Variants in TXNDC8 observed in about 807,000 individuals in gnomAD.
TXNDC8 encodes the protein thioredoxin domain-containing protein 8.
A neutral mutation model predicts 12.9 loss-of-function variants in TXNDC8; 15 were observed. The ratio of observed to expected loss-of-function variants is 1.16; its 90% CI spans 0.78 to 1.79. The LOEUF is 1.79. Among genes scored for constraint, TXNDC8 ranks in the 40% most tolerant of loss-of-function variants. The pLI, the probability that TXNDC8 is intolerant of heterozygous loss-of-function variation, is 0.00. For synonymous variants in TXNDC8, 40 were observed against 35.4 expected (o/e 1.13, Z -0.46); for missense variants, 128 against 113.2 (o/e 1.13, Z -0.59).
intron 3 of TXNDC8, among the ~76,000 whole-genome samples, chr9:110,310,799 C>T (rs114775438): frequency 0.025 from 3,854 of 152,252 alleles, 149 homozygotes; most frequent in African/African-American, 0.087. Flanking sequence ...TCATACTTAT[C>T]CCTGCTAAAC....
chr9:110,327,928 G>GC (rs1564106099), intron 2 of TXNDC8, among the ~76,000 whole-genome samples: 1 of 152,158 alleles, frequency 6.6e-6, no homozygotes, highest in Non-Finnish European at 1.5e-5. Context: ...AGTCATACTA[G>GC]CTGTGTATTC....
intron 3 of TXNDC8, among the ~76,000 whole-genome samples, chr9:110,305,473 G>A (rs12341362): frequency 0.21 from 32,308 of 152,024 alleles, 4,406 homozygotes; most frequent in East Asian, 0.44. Context: ...TGTATAGCTA[G>A]AAGTGGGATT....
chr9:110,304,467 C>A lies in TXNDC8; in HGVS notation c.261G>T (p.Leu87=). The A allele has an allele frequency of 6.2e-7, 1 of 1,608,648 alleles. No individual in the cohort carries two copies. The highest frequency in any genetic ancestry group is 8.5e-7 in the Non-Finnish European group (1 of 1,176,582). ...TCTAACTTGATCCCATTTCACTTAC[C>A]AGGTTGCTCATGAATCCACTTCTAT... Residue 87 remains leucine (L), a splice_region_variant and synonymous_variant, in exon 4 of 5, where the codon CTG becomes CTT. Coordinates refer to ENST00000423740, the MANE Select transcript of TXNDC8 (RefSeq NM_001286946.2).
downstream of TXNDC8, among the ~76,000 whole-genome samples, chr9:110,303,139 C>T (rs1838305289): frequency 6.6e-6 from 1 of 151,992 alleles, no homozygotes; most frequent in African/African-American, 2.4e-5. Context: ...TTCATATGTT[C>T]AAAGTGCACG....
intron 3 of TXNDC8, among the ~76,000 whole-genome samples, chr9:110,305,598 CTTTCTTTCTTTCTT>C (rs1321917194): frequency 8.1e-6 from 1 of 123,806 alleles, no homozygotes; most frequent in Non-Finnish European, 1.6e-5. Flanking sequence ...TTCTTTCTTT[CTTTCTTTCTTTCTT>C]TTTCTTCCTT....
intron 3 of TXNDC8, among the ~76,000 whole-genome samples, chr9:110,317,742 T>A (rs1037125892): frequency 6.6e-6 from 1 of 152,216 alleles, no homozygotes; most frequent in East Asian, 1.9e-4. Flanking sequence ...AGTGTAGCAT[T>A]ATGACTACTT....
At chr9:110,326,940 G>GCGCA (rs1554704834) in intron 2 of TXNDC8, among the ~76,000 whole-genome samples, 1 of 142,922 alleles carries the variant, frequency 7.0e-6, no homozygotes, top group Non-Finnish European at 1.5e-5. Flanking sequence ...TGCTACTCAT[G>GCGCA]CACACACACA....
chr9:110,304,402 A>G (rs935221185), intron 4 of TXNDC8, 65 bp downstream of exon 5: 5 of 1,442,446 alleles, frequency 3.5e-6, no homozygotes, highest in South Asian at 1.2e-5. Context: ...TGAGTGTGTC[A>G]TTATATTTAT....
intron 3 of TXNDC8, among the ~76,000 whole-genome samples, chr9:110,310,875 A>G (rs1409525040): frequency 6.6e-6 from 1 of 152,220 alleles, no homozygotes; most frequent in African/African-American, 2.4e-5. Context: ...AACAGAATGA[A>G]CTTTGCTTGT....
At chr9:110,313,503 C>T (rs1033130750) in intron 3 of TXNDC8, among the ~76,000 whole-genome samples, 3 of 152,146 alleles carry the variant, frequency 2.0e-5, no homozygotes, top group Middle Eastern at 3.4e-3. Flanking sequence ...GAGTTTGAGA[C>T]CAGCCTGGCC....
intron 1 of TXNDC8, among the ~76,000 whole-genome samples, chr9:110,334,905 C>CATT (rs3029020): frequency 0.035 from 4,429 of 125,556 alleles, 129 homozygotes; most frequent in Non-Finnish European, 0.045. Context: ...GGGAAGTGAT[C>CATT]ATTATTACAG....
At chr9:110,305,184 C>T (rs1178310609) in intron 3 of TXNDC8, among the ~76,000 whole-genome samples, 4 of 146,186 alleles carry the variant, frequency 2.7e-5, no homozygotes, top group Non-Finnish European at 6.0e-5. Context: ...ATATGGTGCA[C>T]TGATTCAAAT....
chr9:110,322,174 A>AT (rs1474004782), intron 3 of TXNDC8, among the ~76,000 whole-genome samples: 2 of 123,900 alleles, frequency 1.6e-5, no homozygotes, highest in Non-Finnish European at 3.4e-5. Context: ...TGTGACATAA[A>AT]TGGTCTCAAG....
chr9:110,330,561 A>G (rs72759056), intron 2 of TXNDC8, among the ~76,000 whole-genome samples: 2 of 152,304 alleles, frequency 1.3e-5, no homozygotes, highest in Non-Finnish European at 2.9e-5. Context: ...ACAATTTCTC[A>G]ACAAAATTTT....
intron 3 of TXNDC8, among the ~76,000 whole-genome samples, chr9:110,305,603 T>TC (rs1838422400): frequency 7.9e-6 from 1 of 127,314 alleles, no homozygotes; most frequent in African/African-American, 4.4e-5. Flanking sequence ...TCTTTCTTTC[T>TC]TTCTTTCTTT....
At chr9:110,326,864 G>T (rs1839339169) in intron 2 of TXNDC8, among the ~76,000 whole-genome samples, 1 of 150,730 alleles carries the variant, frequency 6.6e-6, no homozygotes, top group South Asian at 2.1e-4. Context: ...TCACCCACAG[G>T]ATCAACAGAA....
chr9:110,313,638 T>C (rs1587960841), intron 3 of TXNDC8, among the ~76,000 whole-genome samples: 1 of 151,954 alleles, frequency 6.6e-6, no homozygotes, highest in African/African-American at 2.4e-5. Flanking sequence ...GAGGTGGAGG[T>C]TGCAGTGAGC....
chr9:110,329,396 T>G, intron 2 of TXNDC8, 105 bp from the exon 3 acceptor site: 1 of 795,820 alleles, frequency 1.3e-6, no homozygotes, highest in Admixed American at 2.5e-5. Context: ...GAAAGGCTGT[T>G]AAAGAGGACT....
chr9:110,318,611 A>G (rs1838974377), intron 3 of TXNDC8, among the ~76,000 whole-genome samples: 1 of 152,076 alleles, frequency 6.6e-6, no homozygotes, highest in Non-Finnish European at 1.5e-5. Context: ...CATGGCTGGC[A>G]CCTGTAGTCC....
Sources: allele counts gnomAD v4.1 joint callset (sites outside exome capture counted in the v4.1 genomes callset), GRCh38; gene constraint gnomAD v4.1.1; transcripts MANE v1.5; gene names NCBI Gene and HGNC (gene_info 2026-07-23, HGNC 2026-07-21).